The following CELF1 variants were observed in gnomAD, a reference collection of about 807,000 sequenced individuals.
CELF1 encodes the protein 50 kDa nuclear polyadenylated RNA-binding protein.
CELF1 carries 10 observed loss-of-function variants against 61.8 expected under a neutral mutation model. The observed-to-expected ratio is 0.16, with a 90% CI of 0.10 to 0.27. CELF1 has a LOEUF of 0.27. Among genes scored for constraint, CELF1 ranks in the 10% least tolerant of loss-of-function variants. CELF1 has a pLI of 1.00. For missense variants in CELF1, 380 were observed against 639.1 expected, an observed-to-expected ratio of 0.59 and a Z score of 4.37; for synonymous variants, 236 against 225.1, an observed-to-expected ratio of 1.05 and a Z score of -0.43.
chr11:47,492,213 CA>C (rs1200179366), intron 3 of CELF1, among the ~76,000 whole-genome samples: 1 of 152,100 alleles, frequency 6.6e-6, no homozygotes, highest in African/African-American at 2.4e-5. Flanking sequence ...CTCCTGGGCT[CA>C]AACGATTCTC....
chr11:47,540,956 TGA>T (rs2096759269), intron 1 of CELF1, among the ~76,000 whole-genome samples: 1 of 152,010 alleles, frequency 6.6e-6, no homozygotes, highest in Non-Finnish European at 1.5e-5. Context: ...TGTTTCTCAC[TGA>T]GAATATCCCA....
At position 47,469,537 on chromosome 11, in the gene CELF1, G is replaced by A. The variant is rs923309243; in HGVS notation, c.*2693C>T. On this transcript the variant is annotated 3_prime_UTR_variant, in exon 15 of 15. Coordinates refer to ENST00000687097, the MANE Select transcript of CELF1 (RefSeq NM_001376376.1). ...ACAGCGAGTCTCCACTCTGAGCTGA[G>A]CCCTTTCACACGTGAGACTTGTAGG... The A allele has an allele frequency of 6.6e-6, 1 of 152,314 alleles. No homozygotes were observed. Among genetic ancestry groups the A allele is most frequent in the East Asian group, 1.9e-4 (1 of 5,198 alleles). The allele number at this position is 152,314 out of a possible 1,614,324, so 9.4% of individuals were successfully genotyped here. A position where few individuals can be genotyped will look rare whatever the true frequency, so the allele number is the denominator to read the frequency against.
chr11:47,565,358 A>T (rs1257009647), exon 1 of CELF1: 2 of 244,930 alleles, frequency 8.2e-6, no homozygotes, highest in Non-Finnish European at 1.6e-5. Context: ...CAGGGCTCAC[A>T]CGTGTCTGGC....
At chr11:47,513,143 C>T (rs1042385278) in intron 1 of CELF1, among the ~76,000 whole-genome samples, 1 of 152,192 alleles carries the variant, frequency 6.6e-6, no homozygotes, top group African/African-American at 2.4e-5. Flanking sequence ...AGTTTTTAAA[C>T]AGCTATCTAG....
At chr11:47,476,671 C>A (rs928519331) in intron 12 of CELF1, among the ~76,000 whole-genome samples, 175 bp downstream of exon 12, 1 of 152,160 alleles carries the variant, frequency 6.6e-6, no homozygotes, top group Non-Finnish European at 1.5e-5. Flanking sequence ...CGTGATTCGC[C>A]CACCTTGACC....
chr11:47,555,660 T>G (rs2097203654), upstream of CELF1, among the ~76,000 whole-genome samples: 1 of 152,312 alleles, frequency 6.6e-6, no homozygotes, highest in Middle Eastern at 3.4e-3. Flanking sequence ...TATGTAAAGC[T>G]TCCTGTTTCA....
At chr11:47,495,477 T>G (rs1236247392) in intron 3 of CELF1, among the ~76,000 whole-genome samples, 1 of 152,072 alleles carries the variant, frequency 6.6e-6, no homozygotes, top group Admixed American at 6.6e-5. Flanking sequence ...AATTAAATAG[T>G]GGAAATGGTT....
At chr11:47,521,694 C>G (rs2095899282) in intron 1 of CELF1, among the ~76,000 whole-genome samples, 1 of 152,202 alleles carries the variant, frequency 6.6e-6, no homozygotes, top group Admixed American at 6.5e-5. Context: ...TATTATTATT[C>G]TGGGCACCAA....
intron 1 of CELF1, among the ~76,000 whole-genome samples, chr11:47,525,963 AAAGAGAG>A (rs2096218893): frequency 6.6e-6 from 1 of 151,954 alleles, no homozygotes; most frequent in African/African-American, 2.4e-5. Context: ...GGAAGAAAGA[AAAGAGAG>A]AAGAGAGACT....
At chr11:47,481,095 TCTTC>T (rs146194515) in intron 9 of CELF1, among the ~76,000 whole-genome samples, 2,293 of 110,324 alleles carry the variant, frequency 0.021, 204 homozygotes, top group South Asian at 0.035. Context: ...TTTTTTTTTT[TCTTC>T]TTCTTTTTTT....
At chr11:47,532,040 T>A (rs556003926) in intron 1 of CELF1, among the ~76,000 whole-genome samples, 16 of 152,230 alleles carry the variant, frequency 1.1e-4, no homozygotes, top group South Asian at 4.2e-4. Context: ...TTTTTATTTT[T>A]TTTTTTTTGA....
At position 47,467,045 on chromosome 11, in the gene CELF1, T is replaced by C. The variant is rs1388935263; in HGVS notation, c.*5185A>G. The C allele has an allele frequency of 1.3e-5, 2 of 152,256 alleles. No homozygotes were observed. Among genetic ancestry groups the C allele is most frequent in the Non-Finnish European group, 2.9e-5 (2 of 68,150 alleles). The allele number at this position is 152,256 out of a possible 1,614,324, so 9.4% of individuals were successfully genotyped here. Reference sequence around the variant, plus strand: ...AGAGCAGAAACCCTGCTGGGATCCCTTCCTTCATCAACCTTGGTGTGGAGG... The same window carrying C: ...AGAGCAGAAACCCTGCTGGGATCCCCTCCTTCATCAACCTTGGTGTGGAGG... On this transcript the variant is annotated 3_prime_UTR_variant, in exon 15 of 15. Coordinates refer to ENST00000687097, the MANE Select transcript of CELF1 (RefSeq NM_001376376.1).
intron 2 of CELF1, 25 bp downstream of exon 2, chr11:47,500,836 A>G (rs867771897): frequency 1.4e-4 from 57 of 398,470 alleles, no homozygotes; most frequent in Middle Eastern, 1.3e-3. Flanking sequence ...CTTTCTTTCC[A>G]TTTTTATCAT....
chr11:47,515,078 C>G (rs2095481587), intron 1 of CELF1, among the ~76,000 whole-genome samples: 1 of 152,222 alleles, frequency 6.6e-6, no homozygotes, highest in African/African-American at 2.4e-5. Context: ...TTGCTGGATG[C>G]AGCAGTAGCA....
chr11:47,479,131 A>G (rs755669105), intron 9 of CELF1, among the ~76,000 whole-genome samples, 179 bp from the exon 10 acceptor site: 2 of 152,176 alleles, frequency 1.3e-5, no homozygotes, highest in African/African-American at 2.4e-5. Flanking sequence ...AGGACAAAAA[A>G]AAAACACAGC....
At chr11:47,558,545 ATATT>A in intron 2 of CELF1, among the ~76,000 whole-genome samples, 1 of 111,156 alleles carries the variant, frequency 9.0e-6, no homozygotes, top group African/African-American at 3.8e-5. Flanking sequence ...TTATATATTT[ATATT>A]ATATATATTT....
intron 1 of CELF1, among the ~76,000 whole-genome samples, chr11:47,543,093 AAG>A (rs1190109204): frequency 6.6e-6 from 1 of 151,194 alleles, no homozygotes; most frequent in East Asian, 2.0e-4. Flanking sequence ...CTGGGCAACA[AAG>A]AGAGATCCTG....
At position 47,478,887 on chromosome 11, in the gene CELF1, G is replaced by A. The variant is rs143488741; in HGVS notation, c.834C>T (p.His278=). The A allele has an allele frequency of 8.6e-4, 1,387 of 1,612,608 alleles. 4 individuals are homozygous for A. In the African/African-American group the frequency reaches 0.015, roughly 17 times the overall value. ...SGNLNTLSSL[H]PMGGLNAMQL... Reference sequence around the variant, plus strand: ...CAGTGAAACACTTACCTCCCATTGGGTGGAGGCTGCTCAGGGTGTTGAGGT... The same window carrying A: ...CAGTGAAACACTTACCTCCCATTGGATGGAGGCTGCTCAGGGTGTTGAGGT... Residue 278 remains histidine (H), a synonymous_variant, in exon 10 of 15, where the codon CAC becomes CAT. Transcript: ENST00000687097.
chr11:47,540,548 A>T (rs2096747097), intron 1 of CELF1, among the ~76,000 whole-genome samples: 1 of 151,668 alleles, frequency 6.6e-6, no homozygotes, highest in South Asian at 2.1e-4. Flanking sequence ...ACTTCCTTTC[A>T]CTCCTCGGCC....
Sources: gnomAD v4.1 joint callset for allele counts (sites outside exome capture counted in the v4.1 genomes callset) on GRCh38, gnomAD v4.1.1 for gene constraint, MANE v1.5 for transcripts, NCBI Gene and HGNC (gene_info 2026-07-23, HGNC 2026-07-21) for gene names.